CAPN3: variants seen among roughly 807,000 people sequenced by gnomAD.
The protein encoded by CAPN3 is calpain 3, also known as calpain-3.
Under a neutral mutation model 114.0 loss-of-function variants are expected in CAPN3, and 88 were observed. The ratio of observed to expected loss-of-function variants is 0.77; its 90% CI spans 0.65 to 0.92. The LOEUF is 0.92. Ranked by LOEUF, CAPN3 falls within the 40% of genes least tolerant of loss-of-function variation. The probability of loss-of-function intolerance (pLI) is 0.00; values close to 1 mark genes in which losing one functional copy is unlikely to be tolerated. For missense variants in CAPN3, 1,028 were observed against 1,069.0 expected (o/e 0.96, Z 0.53); for synonymous variants, 386 against 382.9 (o/e 1.01, Z -0.09).
chr15:42,401,968 CA>C (rs1235537503), intron 11 of CAPN3, among the ~76,000 whole-genome samples, 155 bp from the exon 12 acceptor site: 4 of 152,110 alleles, frequency 2.6e-5, no homozygotes, highest in Middle Eastern at 3.4e-3. Flanking sequence ...CAAAAAATAC[CA>C]GGGGGGGCAT....
intron 3 of CAPN3, 50 bp downstream of exon 3, chr15:42,386,335 G>C (rs753376577): frequency 7.8e-7 from 1 of 1,289,148 alleles, no homozygotes; most frequent in South Asian, 1.2e-5. Flanking sequence ...GCCACCCACC[G>C]CTGGTCTCCT....
At chr15:42,368,678 A>G (rs1566968751) in intron 1 of CAPN3, among the ~76,000 whole-genome samples, 2 of 152,256 alleles carry the variant, frequency 1.3e-5, no homozygotes, top group African/African-American at 2.4e-5. Context: ...ATTATAAAAC[A>G]TAACTACCAA....
chr15:42,367,385 T>G (rs1051219577), intron 1 of CAPN3, among the ~76,000 whole-genome samples: 10 of 152,158 alleles, frequency 6.6e-5, no homozygotes, highest in Non-Finnish European at 8.8e-5. Flanking sequence ...CAAGGAAGCC[T>G]GGTGCCTCAG....
In CAPN3 at chr15:42,403,145, T is replaced by C; in HGVS notation, c.1745+143T>C. The C allele has an allele frequency of 6.9e-6, 5 of 719,472 alleles. No individual in the cohort carries two copies. The South Asian group carries it at 7.4e-5, about 11-fold the overall frequency. 44.6% of individuals were successfully genotyped at this position (719,472 alleles called of 1,614,324 possible). On this transcript the variant is annotated intron_variant, in intron 13 of 23. Transcript: ENST00000397163. ...CCACTGGCCACATTACCCCCATTCATTCATTCATCCATTCTGTGATATTTA... is the reference window on the plus strand; with the variant it reads ...CCACTGGCCACATTACCCCCATTCACTCATTCATCCATTCTGTGATATTTA...
At position 42,388,912 on chromosome 15, in the gene CAPN3, T is replaced by A. The variant is rs749448385; in HGVS notation, c.633-16T>A. 1 of 1,613,500 alleles carries A rather than the reference T, an allele frequency of 6.2e-7. No individual in the cohort carries two copies. Among genetic ancestry groups the A allele is most frequent in the Admixed American group, 1.7e-5 (1 of 60,012 alleles). On this transcript the variant is annotated splice_polypyrimidine_tract_variant and intron_variant, in intron 4 of 23. Transcript: ENST00000397163. The stretch of plus-strand genomic sequence containing the variant: ...GAACTCTGTGACCCCAAATTGGTCT[T>A]CATCCTCTCTCTAAGGCTCCATGGT...
chr15:42,359,655 T>G lies in CAPN3; in HGVS notation c.-151T>G, dbSNP rs905219574. The G allele has an allele frequency of 3.3e-6, 5 of 1,504,924 alleles. No homozygotes were observed. Among genetic ancestry groups the G allele is most frequent in the Non-Finnish European group, 4.4e-6 (5 of 1,132,966 alleles). The allele number at this position is 1,504,924 out of a possible 1,614,324, so 93.2% of individuals were successfully genotyped here. On this transcript the variant is annotated 5_prime_UTR_variant, in exon 1 of 24. Coordinates refer to ENST00000397163, the MANE Select transcript of CAPN3 (RefSeq NM_000070.3). ...AAGATGGACATAACCTGTACGACCTTCTGATGGGCTTTCAACTTTGAACTG... is the reference window on the plus strand; with the variant it reads ...AAGATGGACATAACCTGTACGACCTGCTGATGGGCTTTCAACTTTGAACTG...
chr15:42,359,888 A>C lies in CAPN3; in HGVS notation c.83A>C (p.Gln28Pro). 6.2e-7 allele frequency: 1 copy of C among 1,614,230 alleles called. No individual in the cohort carries two copies. Among genetic ancestry groups the C allele is most frequent in the Non-Finnish European group, 8.5e-7 (1 of 1,180,026 alleles). ...RSPGPVPHPA[Q>P]SKATEAGGGN... ...CCAGGGCCAGTTCCTCACCCGGCCC[A>C]GAGCAAGGCCACTGAGGCTGGGGGT... Residue 28 changes from glutamine (Q) to proline (P), a missense_variant, in exon 1 of 24, where the codon CAG becomes CCG. Coordinates refer to ENST00000397163, the MANE Select transcript of CAPN3 (RefSeq NM_000070.3).
At chr15:42,401,486 C>T (rs28364483) in intron 10 of CAPN3, among the ~76,000 whole-genome samples, 155 bp from the exon 11 acceptor site, 1,914 of 115,762 alleles carry the variant, frequency 0.017, 62 homozygotes, top group African/African-American at 0.07. Context: ...CCCCCCCCCC[C>T]CAAATCATTA....
intron 1 of CAPN3, among the ~76,000 whole-genome samples, chr15:42,370,878 TCATAACATCAGAGCA>T (rs151276414): frequency 0.052 from 7,952 of 152,090 alleles, 644 homozygotes; most frequent in African/African-American, 0.17. Context: ...TGTTATGACT[TCATAACATCAGAGCA>T]CATAACATCA....
intron 1 of CAPN3, among the ~76,000 whole-genome samples, chr15:42,383,018 C>T (rs1391975868): frequency 6.6e-6 from 1 of 152,158 alleles, no homozygotes; most frequent in Non-Finnish European, 1.5e-5. Context: ...CACCTTATTC[C>T]TTCCCTCCCC....
chr15:42,405,516 T>C (rs2053994235), intron 14 of CAPN3, among the ~76,000 whole-genome samples: 1 of 152,154 alleles, frequency 6.6e-6, no homozygotes, highest in Admixed American at 6.6e-5. Context: ...TTCACCATGT[T>C]GGCCAGGATA....
intron 10 of CAPN3, 59 bp from the exon 11 acceptor site, chr15:42,401,582 T>C: frequency 6.8e-7 from 1 of 1,472,182 alleles, no homozygotes. Flanking sequence ...CTCTGTCTCA[T>C]CCCCTTCCTG....
chr15:42,402,754 C>A (rs1172112518), intron 12 of CAPN3, 40 bp from the exon 13 acceptor site: 1 of 1,604,126 alleles, frequency 6.2e-7, no homozygotes, highest in East Asian at 2.2e-5. Flanking sequence ...GATGTTCCTC[C>A]CGAGGGGCTC....
At chr15:42,402,261 G>A (rs2053894377) in intron 12 of CAPN3, 126 bp downstream of exon 12, 2 of 1,599,320 alleles carry the variant, frequency 1.3e-6, no homozygotes, top group African/African-American at 2.7e-5. Flanking sequence ...AGAGGGCCTT[G>A]CCTGTGTTAT....
chr15:42,383,668 A>G (rs976156177), intron 1 of CAPN3, among the ~76,000 whole-genome samples: 2 of 151,482 alleles, frequency 1.3e-5, no homozygotes, highest in Non-Finnish European at 2.9e-5. Context: ...ATTTATTATT[A>G]TTATTATTAT....
rs780362904 is a variant in CAPN3 at position 42,409,865 on chromosome 15, G to GGGGGT, written c.2050+30_2050+34dup. On this transcript the variant is annotated intron_variant, in intron 18 of 23. Transcript: ENST00000397163. ...CAAACGTGAGTTGCTCAAACCAAAT[G>GGGGGT]GGGGTGGGGTGGGTGGGGAGTCCCG... 12 of 1,593,378 alleles carry GGGGGT rather than the reference G, an allele frequency of 7.5e-6. No individual in the cohort carries two copies. The South Asian group carries it at 1.3e-4, about 18-fold the overall frequency.
chr15:42,378,237 G>C (rs2053141354), intron 1 of CAPN3, among the ~76,000 whole-genome samples: 1 of 152,204 alleles, frequency 6.6e-6, no homozygotes. Context: ...AATTAATCTG[G>C]TTGCCCCCAC....
Position 42,394,355 on chromosome 15 carries a change from C to A in CAPN3, c.1115+14C>A, listed in dbSNP as rs1366404505. ...TTGGAGTGATAGGTAGGTGAGGGGA[C>A]CCCACGGGATTGGCGGTGGCGGGGA... On this transcript the variant is annotated intron_variant, in intron 8 of 23. Coordinates refer to ENST00000397163, the MANE Select transcript of CAPN3 (RefSeq NM_000070.3). 2 of 1,552,490 alleles carry A rather than the reference C, an allele frequency of 1.3e-6. No homozygotes were observed. The highest frequency in any genetic ancestry group is 2.4e-5 in the East Asian group (1 of 41,276).
chr15:42,403,886 TCTG>T, intron 14 of CAPN3, 109 bp downstream of exon 14: 3 of 1,006,386 alleles, frequency 3.0e-6, no homozygotes, highest in Non-Finnish European at 4.7e-6. Context: ...GGAATGGGAG[TCTG>T]GGCTGTGCTG....
Sources: allele counts gnomAD v4.1 joint callset (sites outside exome capture counted in the v4.1 genomes callset), GRCh38; gene constraint gnomAD v4.1.1; transcripts MANE v1.5; gene names NCBI Gene and HGNC (gene_info 2026-07-23, HGNC 2026-07-21).